The following SLC2A14 variants were observed in gnomAD, a reference collection of about 807,000 sequenced individuals.
SLC2A14 encodes solute carrier family 2, facilitated glucose transporter member 14.
SLC2A14 carries 13 observed loss-of-function variants against 43.0 expected under a neutral mutation model. The observed-to-expected ratio is 0.30, with a 90% CI of 0.20 to 0.48. The LOEUF (loss-of-function observed/expected upper bound fraction) is 0.48. Among genes scored for constraint, SLC2A14 ranks in the 20% least tolerant of loss-of-function variants. The pLI, the probability that SLC2A14 is intolerant of heterozygous loss-of-function variation, is 0.99. For synonymous variants in SLC2A14, 190 were observed against 233.8 expected (o/e 0.81, Z 1.71); for missense variants, 428 against 620.4 (o/e 0.69, Z 3.29).
intron 1 of SLC2A14, among the ~76,000 whole-genome samples, chr12:7,885,987 C>T (rs1945681229): frequency 6.7e-6 from 1 of 149,574 alleles, no homozygotes. Context: ...CTTTTCTTTC[C>T]TTCTTTTTTT....
intron 2 of SLC2A14, among the ~76,000 whole-genome samples, chr12:7,857,052 C>T (rs1316474754): frequency 3.4e-5 from 5 of 145,966 alleles, no homozygotes; most frequent in Admixed American, 2.1e-4. Context: ...GAGATTGAGA[C>T]CATCTTGGCC....
rs960962913 is a variant in SLC2A14 at position 7,812,526 on chromosome 12, A to C, written c.*1790T>G. The stretch of plus-strand genomic sequence containing the variant: ...TGTGCTTGTGATGTCATGTACATTC[A>C]GAATTTTTATTTTAAAACAAAGAAT... On this transcript the variant is annotated 3_prime_UTR_variant, in exon 11 of 11. Coordinates refer to ENST00000431042, the MANE Select transcript of SLC2A14 (RefSeq NM_001286234.2). 1.3e-5 allele frequency: 2 copies of C among 152,238 alleles called. No individual in the cohort carries two copies. The highest frequency in any genetic ancestry group is 4.8e-5 in the African/African-American group (2 of 41,470). 9.4% of individuals were successfully genotyped at this position (152,238 alleles called of 1,614,324 possible). A position where few individuals can be genotyped will look rare whatever the true frequency, so the allele number is the denominator to read the frequency against.
At chr12:7,880,446 G>A (rs1945546973) in intron 1 of SLC2A14, among the ~76,000 whole-genome samples, 1 of 149,230 alleles carries the variant, frequency 6.7e-6, no homozygotes. Context: ...CTGCACTCCA[G>A]CTTAGGCAAC....
At chr12:7,836,334 C>T (rs967906070) in intron 2 of SLC2A14, among the ~76,000 whole-genome samples, 2 of 152,130 alleles carry the variant, frequency 1.3e-5, no homozygotes, top group Non-Finnish European at 2.9e-5. Flanking sequence ...AGTTCTCCTG[C>T]CTCAGCCTCC....
chr12:7,858,190 T>C (rs779825168), intron 2 of SLC2A14, among the ~76,000 whole-genome samples: 1 of 152,228 alleles, frequency 6.6e-6, no homozygotes, highest in Admixed American at 6.5e-5. Context: ...ATTGAACCTA[T>C]ACCAGTAAGG....
chr12:7,868,313 T>C (rs1403015223), intron 2 of SLC2A14, among the ~76,000 whole-genome samples: 1 of 152,202 alleles, frequency 6.6e-6, no homozygotes, highest in Non-Finnish European at 1.5e-5. Flanking sequence ...AATGCTATTG[T>C]ACAGGAAATA....
chr12:7,842,630 C>G (rs539005572), intron 2 of SLC2A14, among the ~76,000 whole-genome samples: 19 of 152,056 alleles, frequency 1.2e-4, no homozygotes, highest in Non-Finnish European at 1.0e-4. Context: ...GACACAATCA[C>G]CAGGCTACCA....
chr12:7,826,853 C>CCTTCCTTCCTTCCTTT (rs139542085), intron 7 of SLC2A14, among the ~76,000 whole-genome samples: 6,450 of 33,576 alleles, frequency 0.19, 1,090 homozygotes, highest in Non-Finnish European at 0.27. Context: ...TTCCTTCCTT[C>CCTTCCTTCCTTCCTTT]CTTTCTTTTT....
At chr12:7,842,675 T>A (rs1420335285) in intron 2 of SLC2A14, among the ~76,000 whole-genome samples, 1 of 151,396 alleles carries the variant, frequency 6.6e-6, no homozygotes, top group Non-Finnish European at 1.5e-5. Flanking sequence ...AACAGCTACA[T>A]GATGACTGAA....
intron 2 of SLC2A14, among the ~76,000 whole-genome samples, chr12:7,844,295 G>A (rs925932701): frequency 1.3e-5 from 2 of 152,076 alleles, no homozygotes; most frequent in East Asian, 1.9e-4. Context: ...TCGTGTCTAC[G>A]AGTACTATGT....
upstream of SLC2A14, among the ~76,000 whole-genome samples, chr12:7,878,012 A>T (rs982165467): frequency 3.3e-5 from 5 of 152,062 alleles, no homozygotes; most frequent in Non-Finnish European, 7.4e-5. Flanking sequence ...AAGTGCTGGG[A>T]TTACAGGCGT....
chr12:7,871,572 G>C (rs1290184243), intron 1 of SLC2A14, among the ~76,000 whole-genome samples: 1 of 151,986 alleles, frequency 6.6e-6, no homozygotes, highest in Non-Finnish European at 1.5e-5. Flanking sequence ...TGTTCTCACT[G>C]TGACCCTAGG....
intron 7 of SLC2A14, among the ~76,000 whole-genome samples, chr12:7,823,715 C>T (rs777164728): frequency 9.6e-6 from 1 of 103,656 alleles, no homozygotes; most frequent in Admixed American, 9.2e-5. Flanking sequence ...AGCGAAACTC[C>T]GTCTCAAAAA....
rs764158934 is a variant in SLC2A14, at chr12:7,831,761, T to A, written c.115A>T (p.Ile39Leu). 6.2e-7 allele frequency: 1 copy of A among 1,614,114 alleles called. No homozygotes were observed. The highest frequency in any genetic ancestry group is 8.5e-7 in the Non-Finnish European group (1 of 1,180,052). Reference sequence around the variant, plus strand: ...AAAGTTTTATTGATAAATTCCTTTATGATCTGCAAAATAAAAGGTGGGAGG... The same window carrying A: ...AAAGTTTTATTGATAAATTCCTTTAAGATCTGCAAAATAAAAGGTGGGAGG... The part of the protein sequence containing the change: ...TGVINAPETI[I>L]KEFINKTLTD... Residue 39 changes from isoleucine (I) to leucine (L), a missense_variant, in exon 4 of 11, where the codon ATA becomes TTA. Coordinates refer to ENST00000431042, the MANE Select transcript of SLC2A14 (RefSeq NM_001286234.2).
chr12:7,847,718 G>A (rs997532570), intron 2 of SLC2A14, among the ~76,000 whole-genome samples: 1 of 152,208 alleles, frequency 6.6e-6, no homozygotes, highest in Non-Finnish European at 1.5e-5. Flanking sequence ...TTCTTCCCCA[G>A]AGAGAGGTTG....
At chr12:7,875,499 C>G (rs1005510395), upstream of SLC2A14, among the ~76,000 whole-genome samples, 5 of 150,034 alleles carry the variant, frequency 3.3e-5, no homozygotes, top group African/African-American at 9.9e-5. Flanking sequence ...CAGAGTGAGA[C>G]TCCCTTTCAA....
intron 2 of SLC2A14, among the ~76,000 whole-genome samples, 188 bp from the exon 3 acceptor site, chr12:7,833,002 C>T (rs1238714154): frequency 6.6e-6 from 1 of 152,074 alleles, no homozygotes; most frequent in Non-Finnish European, 1.5e-5. Flanking sequence ...AAGAACTTAT[C>T]TGGAGATAAG....
chr12:7,889,487 C>G (rs1321721467), intron 1 of SLC2A14, among the ~76,000 whole-genome samples: 1 of 151,272 alleles, frequency 6.6e-6, no homozygotes, highest in Non-Finnish European at 1.5e-5. Context: ...ACCACCTCGG[C>G]CTCCCAAAGT....
At chr12:7,890,264 T>C (rs1392054044) in intron 1 of SLC2A14, among the ~76,000 whole-genome samples, 1 of 151,172 alleles carries the variant, frequency 6.6e-6, no homozygotes, top group African/African-American at 2.4e-5. Flanking sequence ...CTGCCACAAC[T>C]CCCTCCTGTT....
Sources: allele counts gnomAD v4.1 joint callset (sites outside exome capture counted in the v4.1 genomes callset), GRCh38; gene constraint gnomAD v4.1.1; transcripts MANE v1.5; gene names NCBI Gene and HGNC (gene_info 2026-07-23, HGNC 2026-07-21).